Variants in RANBP2 observed in about 807,000 individuals in gnomAD.
RANBP2 encodes the protein RAN binding protein 2, also known as E3 SUMO-protein ligase RanBP2.
In RANBP2, 57 loss-of-function variants were observed where a neutral mutation model predicts 303.6. The observed-to-expected ratio is 0.19, with a 90% CI of 0.15 to 0.23. The LOEUF (loss-of-function observed/expected upper bound fraction) is 0.23. Ranked by LOEUF, RANBP2 falls within the 10% of genes least tolerant of loss-of-function variation. The probability of loss-of-function intolerance (pLI) is 1.00; values close to 1 mark genes in which losing one functional copy is unlikely to be tolerated. For synonymous variants in RANBP2, 1,167 were observed against 1,301.5 expected (o/e 0.90, Z 2.23); for missense variants, 3,138 against 3,780.8 (o/e 0.83, Z 4.46).
At chr2:108,918,488 G>T in the RANBP2 span, among the ~76,000 whole-genome samples, 1 of 152,180 alleles carries the variant, frequency 6.6e-6, no homozygotes, top group African/African-American at 2.4e-5. Flanking sequence ...CCTGAGTTTC[G>T]AATAAGCAAG....
the RANBP2 span, among the ~76,000 whole-genome samples, chr2:109,289,098 G>A: frequency 6.6e-6 from 1 of 152,164 alleles, no homozygotes; most frequent in African/African-American, 2.4e-5. Context: ...GCGTTATAAA[G>A]CTGAACTGGA....
the RANBP2 span, chr2:108,884,523 A>C: frequency 1.3e-5 from 2 of 152,240 alleles, no homozygotes; most frequent in African/African-American, 4.8e-5. Flanking sequence ...GCTGAAGAGA[A>C]TAAGAGAAGA....
At chr2:109,022,231 G>A in the RANBP2 span, among the ~76,000 whole-genome samples, 30 of 152,318 alleles carry the variant, frequency 2.0e-4, no homozygotes, top group East Asian at 4.8e-3. Flanking sequence ...CCTGCAGTTA[G>A]GGGTTGGGCT....
the RANBP2 span, among the ~76,000 whole-genome samples, chr2:109,350,322 A>G: frequency 2.0e-5 from 3 of 152,178 alleles, no homozygotes; most frequent in African/African-American, 7.2e-5. Context: ...ATCTCCTGTT[A>G]CAGGATCTGT....
intron 25 of RANBP2, among the ~76,000 whole-genome samples, chr2:108,777,614 A>C (rs1311496875): frequency 1.3e-5 from 2 of 151,988 alleles, no homozygotes; most frequent in Non-Finnish European, 2.9e-5. Flanking sequence ...TTTTTGTACT[A>C]TCTTTGGATT....
At chr2:109,475,780 T>C in the RANBP2 span, among the ~76,000 whole-genome samples, 4 of 152,208 alleles carry the variant, frequency 2.6e-5, no homozygotes, top group African/African-American at 9.7e-5. Context: ...ATCACCCTGG[T>C]TGAATTCCTG....
chr2:109,366,796 T>A, the RANBP2 span, among the ~76,000 whole-genome samples: 1,424 of 152,246 alleles, frequency 9.4e-3, 20 homozygotes, highest in African/African-American at 0.033. Flanking sequence ...AAAGCTGCAG[T>A]GAGCTGTGAT....
chr2:109,273,466 A>C, the RANBP2 span, among the ~76,000 whole-genome samples: 1 of 152,096 alleles, frequency 6.6e-6, no homozygotes, highest in African/African-American at 2.4e-5. Flanking sequence ...AGGAGGGGAG[A>C]AGGGAGAACT....
the RANBP2 span, among the ~76,000 whole-genome samples, chr2:109,734,485 A>C: frequency 6.6e-6 from 1 of 152,206 alleles, no homozygotes; most frequent in African/African-American, 2.4e-5. Flanking sequence ...AAAAAAATTA[A>C]AAAGATCAAA....
the RANBP2 span, among the ~76,000 whole-genome samples, chr2:109,581,950 AACTGATAT>A: frequency 6.6e-6 from 1 of 152,200 alleles, no homozygotes; most frequent in East Asian, 1.9e-4. Flanking sequence ...ATGGCTCCTG[AACTGATAT>A]ACAACTTCAG....
At chr2:109,675,676 C>A in the RANBP2 span, among the ~76,000 whole-genome samples, 4 of 151,982 alleles carry the variant, frequency 2.6e-5, no homozygotes, top group African/African-American at 9.7e-5. Flanking sequence ...GAGTGAAACT[C>A]TGTCTCAAAA....
At chr2:108,861,370 T>G in the RANBP2 span, among the ~76,000 whole-genome samples, 1 of 152,102 alleles carries the variant, frequency 6.6e-6, no homozygotes, top group Admixed American at 6.5e-5. Flanking sequence ...AACTTTGGAT[T>G]AATTTGTTCT....
At chr2:109,177,448 G>A in the RANBP2 span, among the ~76,000 whole-genome samples, 1 of 152,178 alleles carries the variant, frequency 6.6e-6, no homozygotes, top group Non-Finnish European at 1.5e-5. Flanking sequence ...CCTGTGATCT[G>A]CCAGAGGGTT....
At chr2:109,659,037 C>T in the RANBP2 span, among the ~76,000 whole-genome samples, 2 of 151,806 alleles carry the variant, frequency 1.3e-5, no homozygotes, top group East Asian at 1.9e-4. Flanking sequence ...TGCACTCCAG[C>T]CTGGGTGACA....
chr2:109,107,917 T>A, the RANBP2 span, among the ~76,000 whole-genome samples: 2 of 149,510 alleles, frequency 1.3e-5, no homozygotes, highest in Non-Finnish European at 3.0e-5. Flanking sequence ...TGTATATATA[T>A]TTTTTTGAGA....
At chr2:109,346,114 G>A in the RANBP2 span, among the ~76,000 whole-genome samples, 1 of 152,170 alleles carries the variant, frequency 6.6e-6, no homozygotes, top group Non-Finnish European at 1.5e-5. Flanking sequence ...CTAAAATTGG[G>A]GCTCGTTACA....
At chr2:109,223,974 C>A in the RANBP2 span, among the ~76,000 whole-genome samples, 1 of 152,090 alleles carries the variant, frequency 6.6e-6, no homozygotes. Context: ...TGCACTCCAG[C>A]CTAGGTGACA....
chr2:108,849,501 T>A, the RANBP2 span, among the ~76,000 whole-genome samples: 1 of 152,094 alleles, frequency 6.6e-6, no homozygotes, highest in Admixed American at 6.6e-5. Flanking sequence ...ACCTTTTCAG[T>A]GGCTTCATCA....
At chr2:109,580,065 G>A in the RANBP2 span, among the ~76,000 whole-genome samples, 1 of 151,980 alleles carries the variant, frequency 6.6e-6, no homozygotes, top group Non-Finnish European at 1.5e-5. Flanking sequence ...AGGTTGCAAT[G>A]AGCCTAGATC....
Sources: allele counts gnomAD v4.1 joint callset (sites outside exome capture counted in the v4.1 genomes callset), GRCh38; gene constraint gnomAD v4.1.1; transcripts MANE v1.5; gene names NCBI Gene and HGNC (gene_info 2026-07-23, HGNC 2026-07-21).